KIF1B: variants seen among roughly 807,000 people sequenced by gnomAD.
KIF1B encodes kinesin-like protein KIF1B.
Under a neutral mutation model 241.9 loss-of-function variants are expected in KIF1B, and 76 were observed. The observed-to-expected ratio is 0.31, with a 90% CI of 0.26 to 0.38. KIF1B has a LOEUF of 0.38. Ranked by LOEUF, KIF1B falls within the 10% of genes least tolerant of loss-of-function variation. The probability of loss-of-function intolerance (pLI) is 1.00; values close to 1 mark genes in which losing one functional copy is unlikely to be tolerated. For missense variants in KIF1B, 1,622 were observed against 2,271.4 expected (o/e 0.71, Z 5.81); for synonymous variants, 750 against 796.7 (o/e 0.94, Z 0.99).
intron 44 of KIF1B, 37 bp downstream of exon 44, chr1:10,368,575 G>T (rs1203951155): frequency 6.4e-7 from 1 of 1,559,070 alleles, no homozygotes; most frequent in Non-Finnish European, 8.8e-7. Flanking sequence ...CCAGTATGTT[G>T]ATAACTGATT....
intron 1 of KIF1B, among the ~76,000 whole-genome samples, chr1:10,227,451 G>A (rs1051699552): frequency 6.6e-6 from 1 of 152,156 alleles, no homozygotes; most frequent in Non-Finnish European, 1.5e-5. Flanking sequence ...TATCTTTGAT[G>A]TGTCATCTAA....
At chr1:10,292,294 C>A in intron 17 of KIF1B, 172 bp downstream of exon 17, 1 of 619,092 alleles carries the variant, frequency 1.6e-6, no homozygotes, top group Admixed American at 2.8e-5. Context: ...AGTACAAAGG[C>A]AGCCTATTTC....
At chr1:10,280,722 G>A (rs1472159944) in intron 14 of KIF1B, among the ~76,000 whole-genome samples, 3 of 152,206 alleles carry the variant, frequency 2.0e-5, no homozygotes, top group African/African-American at 2.4e-5. Context: ...AAAGCTCAAC[G>A]ATACTGGTGT....
chr1:10,240,949 T>C (rs1225708921), intron 2 of KIF1B, among the ~76,000 whole-genome samples: 3 of 152,186 alleles, frequency 2.0e-5, no homozygotes, highest in Admixed American at 2.0e-4. Flanking sequence ...TCATTTATAT[T>C]CATCCTCTGT....
chr1:10,257,422 C>T (rs1647856735), intron 3 of KIF1B, among the ~76,000 whole-genome samples: 1 of 150,566 alleles, frequency 6.6e-6, no homozygotes, highest in East Asian at 2.0e-4. Context: ...TTGCAGTGAG[C>T]CGAGATCGCA....
At chr1:10,251,171 T>A (rs866689784) in intron 2 of KIF1B, among the ~76,000 whole-genome samples, 1 of 151,566 alleles carries the variant, frequency 6.6e-6, no homozygotes, top group East Asian at 2.0e-4. Flanking sequence ...CTCAAAAAAA[T>A]AAATAAATAA....
At chr1:10,322,411 T>C (rs1651559788) in intron 24 of KIF1B, among the ~76,000 whole-genome samples, 1 of 152,200 alleles carries the variant, frequency 6.6e-6, no homozygotes, top group Non-Finnish European at 1.5e-5. Context: ...CAAGGGATTT[T>C]GTGAGGAATG....
chr1:10,256,355 T>C, intron 3 of KIF1B, 32 bp downstream of exon 3: 1 of 1,404,260 alleles, frequency 7.1e-7, no homozygotes, highest in Non-Finnish European at 1.0e-6. Context: ...CACTGCCAGC[T>C]CCTGCCTCCT....
intron 12 of KIF1B, among the ~76,000 whole-genome samples, chr1:10,277,662 G>A (rs951035990): frequency 6.6e-6 from 1 of 152,016 alleles, no homozygotes; most frequent in Admixed American, 6.6e-5. Flanking sequence ...GTATGAGTAG[G>A]TTTCATTACT....
Position 10,314,744 on chromosome 1 carries a change from G to A in KIF1B, c.2116-5299G>A, listed in dbSNP as rs1049091713. Among the ~76,000 whole-genome samples the A allele has an allele frequency of 3.3e-5, 5 of 151,502 alleles. 1 individual carries two copies. The highest frequency in any genetic ancestry group is 1.2e-4 in the African/African-American group (5 of 40,824). The stretch of plus-strand genomic sequence containing the variant: ...CCAGTTAAACTTTTTAGATTCATAG[G>A]GCTATGGGAAATCTTTTCATGTTAG... On this transcript the variant is annotated intron_variant, in intron 22 of 48. Transcript: ENST00000676179.
At chr1:10,263,353 C>G (rs1648262696) in intron 5 of KIF1B, among the ~76,000 whole-genome samples, 1 of 151,858 alleles carries the variant, frequency 6.6e-6, no homozygotes, top group Non-Finnish European at 1.5e-5. Context: ...TCACCGCCAC[C>G]CCCCCACCAC....
Position 10,312,705 on chromosome 1 carries a change from C to T in KIF1B, c.2116-7338C>T, listed in dbSNP as rs578012362. Among the ~76,000 whole-genome samples the T allele has an allele frequency of 5.5e-4, 83 of 151,728 alleles. 8 individuals carry two copies. The highest frequency in any genetic ancestry group is 2.0e-3 in the African/African-American group (81 of 40,978). Reference sequence around the variant, plus strand: ...GTAGAATAACCCCTGCCAAAGACCTCTGCCTGCTTAACCTACTCAGTCTAG... The same window carrying T: ...GTAGAATAACCCCTGCCAAAGACCTTTGCCTGCTTAACCTACTCAGTCTAG... On this transcript the variant is annotated intron_variant, in intron 22 of 48. Transcript: ENST00000676179.
Position 10,375,334 on chromosome 1 carries a change from G to T in KIF1B, c.5369G>T (p.Trp1790Leu). Reference protein sequence around the residue: ...QALNDKDMNDWLYAFNPLLAG... With the variant: ...QALNDKDMNDLLYAFNPLLAG... The stretch of plus-strand genomic sequence containing the variant: ...CTCAATGACAAAGACATGAACGACT[G>T]GTTGTATGCCTTCAACCCACTTCTA... Residue 1790 changes from tryptophan to leucine, a missense_variant, in exon 48 of 49, where the codon TGG (tryptophan) becomes TTG (leucine). Physicochemically the swap from Trp to Leu is moderately conservative, Grantham distance 61. Around this residue, in one of 7 missense-constraint regions of KIF1B, gnomAD observed 357 missense variants for 409.0 expected, o/e 0.87. Coordinates refer to ENST00000676179, the MANE Select transcript of KIF1B (RefSeq NM_001365951.3). 6.2e-7 allele frequency: 1 copy of T among 1,614,122 alleles called. No homozygotes were observed. The highest frequency in any genetic ancestry group is 8.5e-7 in the Non-Finnish European group (1 of 1,180,010).
chr1:10,214,271 T>C (rs1357342936), intron 1 of KIF1B, among the ~76,000 whole-genome samples: 2 of 152,024 alleles, frequency 1.3e-5, no homozygotes, highest in Non-Finnish European at 2.9e-5. Context: ...ACTCACACTT[T>C]ACCACTTCTT....
At chr1:10,245,020 A>G (rs569095401) in intron 2 of KIF1B, among the ~76,000 whole-genome samples, 1 of 152,220 alleles carries the variant, frequency 6.6e-6, no homozygotes, top group Non-Finnish European at 1.5e-5. Flanking sequence ...ACTAAAGTTA[A>G]TATAAAGTTA....
intron 22 of KIF1B, chr1:10,305,690 C>T: frequency 9.5e-7 from 1 of 1,057,758 alleles, no homozygotes; most frequent in Non-Finnish European, 1.1e-6. Flanking sequence ...GACACTCAAA[C>T]AAGGAAGGCG....
chr1:10,238,119 G>A (rs1647082134), intron 2 of KIF1B, among the ~76,000 whole-genome samples: 1 of 151,948 alleles, frequency 6.6e-6, no homozygotes, highest in Non-Finnish European at 1.5e-5. Flanking sequence ...AGTGGCTCAC[G>A]CCTATAATCC....
Position 10,365,704 on chromosome 1 carries a change from C to T in KIF1B, c.4752+56C>T, listed in dbSNP as rs561115668. 226 of 1,609,936 alleles carry T rather than the reference C, an allele frequency of 1.4e-4. 3 individuals are homozygous for T. The South Asian group carries it at 2.4e-3, about 17-fold the overall frequency. ...TTCCCACAAGGCTCCACAAACTAGCCTCTCGGTTTATTCATTTTCAACACC... is the reference window on the plus strand; with the variant it reads ...TTCCCACAAGGCTCCACAAACTAGCTTCTCGGTTTATTCATTTTCAACACC... On this transcript the variant is annotated intron_variant, in intron 43 of 48. Coordinates refer to ENST00000676179, the MANE Select transcript of KIF1B (RefSeq NM_001365951.3). The surrounding 1 kb of genome is among the most constrained non-coding windows in gnomAD (Gnocchi z 4.0).
chr1:10,251,101 G>A (rs1306623180), intron 2 of KIF1B, among the ~76,000 whole-genome samples: 2 of 152,056 alleles, frequency 1.3e-5, no homozygotes, highest in East Asian at 1.9e-4. Context: ...AGGAGACAGC[G>A]GTTGCAGTGA....
Sources: allele counts gnomAD v4.1 joint callset (sites outside exome capture counted in the v4.1 genomes callset), GRCh38; gene constraint gnomAD v4.1.1; regional missense constraint gnomAD v4.1.1; non-coding constraint Gnocchi (gnomAD v3.1); transcripts MANE v1.5; gene names NCBI Gene and HGNC (gene_info 2026-07-23, HGNC 2026-07-21).